TDP1: variants seen among roughly 807,000 people sequenced by gnomAD.
TDP1 encodes tyr-DNA phosphodiesterase 1.
Under a neutral mutation model 81.5 loss-of-function variants are expected in TDP1, and 64 were observed. The ratio of observed to expected loss-of-function variants is 0.79; its 90% confidence interval spans 0.64 to 0.97. The LOEUF is 0.97. Ranked by LOEUF, TDP1 falls within the 50% of genes least tolerant of loss-of-function variation. The pLI, the probability that TDP1 is intolerant of heterozygous loss-of-function variation, is 0.00. For missense variants in TDP1, 723 were observed against 743.8 expected (o/e 0.97, Z 0.33); for synonymous variants, 256 against 264.3 (o/e 0.97, Z 0.30).
At position 89,966,361 on chromosome 14, in the gene TDP1, A is replaced by G. The variant is rs529533298; in HGVS notation, c.603+171A>G. On this transcript the variant is annotated intron_variant, in intron 4 of 16. Coordinates refer to ENST00000335725, the MANE Select transcript of TDP1 (RefSeq NM_018319.4). ...TGCCACAGTAATGAGATCCATGGCC[A>G]TCAACATAGAATGGGGATGTCACTA... Among the ~76,000 whole-genome samples the G allele has an allele frequency of 2.6e-5, 4 of 152,328 alleles. No homozygotes were observed. In the East Asian group the frequency reaches 7.7e-4, roughly 29 times the overall value.
At chr14:89,997,206 G>A (rs1310481557) in intron 14 of TDP1, among the ~76,000 whole-genome samples, 1 of 152,094 alleles carries the variant, frequency 6.6e-6, no homozygotes, top group Non-Finnish European at 1.5e-5. Flanking sequence ...TAATTATCTG[G>A]CTTCCCCTCT....
chr14:90,038,904 G>GTT (rs10659096), intron 16 of TDP1, among the ~76,000 whole-genome samples: 14,173 of 146,518 alleles, frequency 0.097, 1,492 homozygotes, highest in African/African-American at 0.26. Flanking sequence ...CAGAAATGAA[G>GTT]TTTTTTTTTT....
chr14:90,027,448 G>C (rs1236317857), intron 15 of TDP1, among the ~76,000 whole-genome samples: 2 of 151,844 alleles, frequency 1.3e-5, no homozygotes, highest in Non-Finnish European at 1.5e-5. Context: ...CTGTGAGCTG[G>C]AACAGCATGT....
At chr14:90,004,539 GC>G (rs1566898438) in intron 14 of TDP1, among the ~76,000 whole-genome samples, 1 of 152,154 alleles carries the variant, frequency 6.6e-6, no homozygotes, top group South Asian at 2.1e-4. Context: ...TAAATAGCAT[GC>G]CCCCAAGTGA....
intron 16 of TDP1, among the ~76,000 whole-genome samples, chr14:90,040,738 G>A (rs1429900250): frequency 6.6e-6 from 1 of 152,262 alleles, no homozygotes; most frequent in African/African-American, 2.4e-5. Context: ...CAACCAGTGA[G>A]TATTAATGCT....
Position 89,982,525 on chromosome 14 carries a change from C to A in TDP1, c.884+1893C>A, listed in dbSNP as rs112612141. The stretch of plus-strand genomic sequence containing the variant: ...CAGCCTCACGTGGTTCCAAGAATCC[C>A]ACCCTGGGCCTCCAGCTCCTTCTGA... On this transcript the variant is annotated intron_variant, in intron 8 of 16. Coordinates refer to ENST00000335725, the MANE Select transcript of TDP1 (RefSeq NM_018319.4). Among the ~76,000 whole-genome samples the A allele has an allele frequency of 2.0e-3, 302 of 152,280 alleles. 1 individual carries two copies. The highest frequency in any genetic ancestry group is 6.9e-3 in the African/African-American group (286 of 41,546).
intron 12 of TDP1, chr14:89,991,428 G>C: frequency 2.8e-6 from 1 of 362,276 alleles, no homozygotes; most frequent in Non-Finnish European, 3.8e-6. Context: ...TACTTGGTGC[G>C]TTCTCGTCCT....
chr14:90,027,235 AT>A (rs1307224960), intron 15 of TDP1, among the ~76,000 whole-genome samples: 1 of 151,926 alleles, frequency 6.6e-6, no homozygotes. Flanking sequence ...CCTGGCAAGA[AT>A]TTCTCTGCCT....
rs541250255 is a variant in TDP1, at chr14:89,966,505, G to T, written c.603+315G>T. The stretch of plus-strand genomic sequence containing the variant: ...GGGATACTGATTAACTCATGGGACT[G>T]AGTTAACTCTGGTGCATAGAGTGGT... On this transcript the variant is annotated intron_variant, in intron 4 of 16. Coordinates refer to ENST00000335725, the MANE Select transcript of TDP1 (RefSeq NM_018319.4). Among the ~76,000 whole-genome samples, 15 of 152,320 alleles carry T rather than the reference G, an allele frequency of 9.8e-5. No homozygotes were observed. The South Asian group carries it at 3.1e-3, about 32-fold the overall frequency.
intron 10 of TDP1, among the ~76,000 whole-genome samples, chr14:89,987,553 T>TTCC (rs1427931269): frequency 6.6e-6 from 1 of 152,218 alleles, no homozygotes; most frequent in African/African-American, 2.4e-5. Context: ...AGGTGGATAC[T>TTCC]TCCTTACTTT....
chr14:90,012,114 C>T (rs927637715), intron 14 of TDP1, among the ~76,000 whole-genome samples: 3 of 152,210 alleles, frequency 2.0e-5, no homozygotes, highest in African/African-American at 7.2e-5. Context: ...ACATACAGCT[C>T]AGGCCATTGC....
At chr14:89,978,121 C>G (rs1383276469) in intron 7 of TDP1, among the ~76,000 whole-genome samples, 1 of 152,184 alleles carries the variant, frequency 6.6e-6, no homozygotes, top group Non-Finnish European at 1.5e-5. Flanking sequence ...ATTTAGTCCT[C>G]TTTCCCACCA....
chr14:89,970,126 T>G (rs1289738548), intron 5 of TDP1, among the ~76,000 whole-genome samples: 1 of 152,124 alleles, frequency 6.6e-6, no homozygotes, highest in African/African-American at 2.4e-5. Flanking sequence ...TCTGCCCGCC[T>G]CGGCCTCCCA....
intron 2 of TDP1, among the ~76,000 whole-genome samples, chr14:89,959,912 T>C (rs973562374): frequency 1.4e-4 from 22 of 152,222 alleles, no homozygotes; most frequent in African/African-American, 5.1e-4. Flanking sequence ...TTTGTTATGG[T>C]AGCCTCTTAA....
At chr14:89,970,764 G>A (rs1011362396) in intron 5 of TDP1, 6 of 946,244 alleles carry the variant, frequency 6.3e-6, no homozygotes, top group Non-Finnish European at 7.6e-6. Context: ...GAAACATATC[G>A]AGTGATAAGG....
rs1331336533 is a variant in TDP1 at position 90,043,764 on chromosome 14, T to C, written c.*621T>C. 6.5e-6 allele frequency: 1 copy of C among 154,404 alleles called. No individual in the cohort carries two copies. Among genetic ancestry groups the C allele is most frequent in the African/African-American group, 2.4e-5 (1 of 41,452 alleles). 9.6% of individuals were successfully genotyped at this position (154,404 alleles called of 1,614,324 possible). On this transcript the variant is annotated 3_prime_UTR_variant, in exon 17 of 17. Transcript: ENST00000335725. Reference sequence around the variant, plus strand: ...AGGGATGCTCAAATCTATATAGATATAAAATTATCCTCACAGTAACATAGA... The same window carrying C: ...AGGGATGCTCAAATCTATATAGATACAAAATTATCCTCACAGTAACATAGA...
At chr14:89,998,420 A>ATATATATATATGTATGTATGTATG (rs1566891293) in intron 14 of TDP1, among the ~76,000 whole-genome samples, 2 of 79,300 alleles carry the variant, frequency 2.5e-5, no homozygotes, top group African/African-American at 6.4e-5. Flanking sequence ...ATATATATAT[A>ATATATATATATGTATGTATGTATG]TATGTATGTA....
At position 89,984,570 on chromosome 14, in the gene TDP1, A is replaced by G. The variant is rs2140095561; in HGVS notation, c.939A>G (p.Gly313=). 6.2e-7 allele frequency: 1 copy of G among 1,614,170 alleles called. No homozygotes were observed. Among genetic ancestry groups the G allele is most frequent in the Non-Finnish European group, 8.5e-7 (1 of 1,180,026 alleles). Residue 313 remains glycine, a synonymous_variant, in exon 9 of 17, where the codon GGA becomes GGG. Transcript: ENST00000335725. ...PRIADGTHKS[G]ESPTHFKADL... ...TTGCTGATGGAACCCACAAATCTGGAGAGTCGCCAACACATTTTAAAGCTG... is the reference window on the plus strand; with the variant it reads ...TTGCTGATGGAACCCACAAATCTGGGGAGTCGCCAACACATTTTAAAGCTG...
At chr14:90,013,751 A>G (rs1884992693) in intron 14 of TDP1, among the ~76,000 whole-genome samples, 1 of 152,218 alleles carries the variant, frequency 6.6e-6, no homozygotes, top group Admixed American at 6.5e-5. Context: ...GTGGGAGATA[A>G]TTAAATCTTA....
Sources: gnomAD v4.1 joint callset for allele counts (sites outside exome capture counted in the v4.1 genomes callset) on GRCh38, gnomAD v4.1.1 for gene constraint, MANE v1.5 for transcripts, NCBI Gene and HGNC (gene_info 2026-07-23, HGNC 2026-07-21) for gene names.